Variants in ZCWPW2 observed in about 807,000 individuals in gnomAD.
ZCWPW2 encodes zinc finger CW-type and PWWP domain containing 2.
Under a neutral mutation model 46.6 loss-of-function variants are expected in ZCWPW2, and 45 were observed. That is an observed-to-expected ratio of 0.96 (90% CI 0.76 to 1.24). The LOEUF (loss-of-function observed/expected upper bound fraction) is 1.24, where lower values mean the gene tolerates loss of function less well. Ranked by LOEUF, ZCWPW2 falls within the 50% of genes most tolerant of loss-of-function variation. The probability of loss-of-function intolerance (pLI) is 0.00; values close to 1 mark genes in which losing one functional copy is unlikely to be tolerated. For missense variants in ZCWPW2, 429 were observed against 403.9 expected (o/e 1.06, Z -0.53); for synonymous variants, 152 against 137.1 (o/e 1.11, Z -0.76).
intron 6 of ZCWPW2, among the ~76,000 whole-genome samples, chr3:28,499,635 C>T (rs1352757359): frequency 2.0e-5 from 3 of 152,092 alleles, no homozygotes; most frequent in African/African-American, 7.2e-5. Flanking sequence ...TTTTGCTGTG[C>T]AGAAGCTCTT....
intron 1 of ZCWPW2, among the ~76,000 whole-genome samples, chr3:28,374,922 A>G (rs967827174): frequency 5.9e-5 from 9 of 151,990 alleles, no homozygotes; most frequent in Non-Finnish European, 5.9e-5. Flanking sequence ...GTGAGGTGTT[A>G]AAGTTCCTTA....
intron 1 of ZCWPW2, among the ~76,000 whole-genome samples, chr3:28,376,688 T>C (rs1230541623): frequency 6.6e-6 from 1 of 152,106 alleles, no homozygotes; most frequent in Non-Finnish European, 1.5e-5. Flanking sequence ...GCAGAAGGTA[T>C]TTGTTTTTAG....
intron 3 of ZCWPW2, among the ~76,000 whole-genome samples, chr3:28,417,180 G>A (rs1003491866): frequency 6.6e-6 from 1 of 151,680 alleles, no homozygotes; most frequent in African/African-American, 2.4e-5. Context: ...AGACAAAGGG[G>A]ATATCACCAC....
chr3:28,361,677 T>C (rs1434343541), intron 1 of ZCWPW2, among the ~76,000 whole-genome samples: 11 of 151,554 alleles, frequency 7.3e-5, no homozygotes, highest in Non-Finnish European at 8.8e-5. Context: ...ATTCATACAA[T>C]GTAATAGCAA....
At chr3:28,378,792 G>T (rs1023912723) in intron 1 of ZCWPW2, among the ~76,000 whole-genome samples, 1 of 152,052 alleles carries the variant, frequency 6.6e-6, no homozygotes, top group African/African-American at 2.4e-5. Context: ...TGTTCATTTA[G>T]ATGCTAGGGA....
At position 28,444,151 on chromosome 3, in the gene ZCWPW2, T is replaced by C. The variant is rs561998782; in HGVS notation, c.492+8882T>C. 2.6e-5 allele frequency among the ~76,000 whole-genome samples: 4 copies of C among 152,330 alleles called. No homozygotes were observed. In the East Asian group the frequency reaches 5.8e-4, roughly 22 times the overall value. The stretch of plus-strand genomic sequence containing the variant: ...TTCCTTCCGCCATTATCCCACACCC[T>C]TAATATTCATTATTATGCTTGTTCA... On this transcript the variant is annotated intron_variant, in intron 4 of 9. Coordinates refer to ENST00000383768, the MANE Select transcript of ZCWPW2 (RefSeq NM_001040432.4).
intron 4 of ZCWPW2, among the ~76,000 whole-genome samples, chr3:28,467,545 G>A (rs1698873488): frequency 1.3e-5 from 2 of 152,200 alleles, no homozygotes; most frequent in African/African-American, 4.8e-5. Flanking sequence ...GTGAGACCCA[G>A]TACTGTGCTG....
At chr3:28,449,674 A>G (rs1252468457) in intron 4 of ZCWPW2, among the ~76,000 whole-genome samples, 1 of 152,178 alleles carries the variant, frequency 6.6e-6, no homozygotes. Context: ...AAGATGGTAG[A>G]TTTTATGTGT....
At chr3:28,396,375 G>A (rs1256827587) in intron 2 of ZCWPW2, among the ~76,000 whole-genome samples, 1 of 152,060 alleles carries the variant, frequency 6.6e-6, no homozygotes. Context: ...CTGGAGGTAG[G>A]CAGGACACAA....
chr3:28,509,320 T>C (rs1178620449), intron 6 of ZCWPW2, among the ~76,000 whole-genome samples: 1 of 152,176 alleles, frequency 6.6e-6, no homozygotes. Context: ...GGAATATGCT[T>C]CTATTTTTCT....
intron 4 of ZCWPW2, among the ~76,000 whole-genome samples, chr3:28,450,472 AG>A (rs1436736032): frequency 6.6e-6 from 1 of 152,218 alleles, no homozygotes; most frequent in African/African-American, 2.4e-5. Context: ...ACCAGCTTGT[AG>A]GTGGCATAGA....
chr3:28,353,294 G>A (rs1704622469), intron 1 of ZCWPW2, among the ~76,000 whole-genome samples: 1 of 152,104 alleles, frequency 6.6e-6, no homozygotes, highest in Admixed American at 6.6e-5. Context: ...TAGAATTTAT[G>A]TTCTTGGAAA....
intron 5 of ZCWPW2, among the ~76,000 whole-genome samples, chr3:28,486,065 C>T (rs1699590739): frequency 6.6e-6 from 1 of 151,960 alleles, no homozygotes; most frequent in Non-Finnish European, 1.5e-5. Context: ...ATTTTCTTCC[C>T]TCTTAGCATA....
intron 2 of ZCWPW2, among the ~76,000 whole-genome samples, chr3:28,400,662 A>T (rs1695884936): frequency 6.6e-6 from 1 of 152,198 alleles, no homozygotes; most frequent in Non-Finnish European, 1.5e-5. Flanking sequence ...AAGAATTATC[A>T]GCCAAGAATT....
chr3:28,492,974 T>C (rs1226700653), intron 6 of ZCWPW2, among the ~76,000 whole-genome samples: 1 of 151,954 alleles, frequency 6.6e-6, no homozygotes, highest in Non-Finnish European at 1.5e-5. Context: ...TATCTATAGA[T>C]GATTAGGCAA....
intron 2 of ZCWPW2, among the ~76,000 whole-genome samples, chr3:28,398,429 C>T (rs772604645): frequency 6.6e-6 from 1 of 152,038 alleles, no homozygotes; most frequent in East Asian, 1.9e-4. Flanking sequence ...GGATGGTGGA[C>T]GGGAGGCAGG....
rs1314689029 is a variant in ZCWPW2, at chr3:28,525,240, C to T, written c.*552C>T. Reference sequence around the variant, plus strand: ...TTTCAACCATGGTACCCAAAACTGACTGCTTAATAGAGTCTCTGGGAGATT... The same window carrying T: ...TTTCAACCATGGTACCCAAAACTGATTGCTTAATAGAGTCTCTGGGAGATT... On this transcript the variant is annotated 3_prime_UTR_variant, in exon 10 of 10. Coordinates refer to ENST00000383768, the MANE Select transcript of ZCWPW2 (RefSeq NM_001040432.4). 1 of 152,274 alleles carries T rather than the reference C, an allele frequency of 6.6e-6. No individual in the cohort carries two copies. The highest frequency in any genetic ancestry group is 1.5e-5 in the Non-Finnish European group (1 of 68,156). 9.4% of individuals were successfully genotyped at this position (152,274 alleles called of 1,614,324 possible).
In ZCWPW2 at chr3:28,456,713, C is replaced by A. The variant is rs190376668; in HGVS notation, c.492+21444C>A. 4.6e-5 allele frequency among the ~76,000 whole-genome samples: 7 copies of A among 152,258 alleles called. No individual in the cohort carries two copies. The East Asian group carries it at 1.4e-3, about 29-fold the overall frequency. ...TGAATTTTATCAAAGGTCTTGTCTG[C>A]ATCTATTCAGATAATCATGTGTTTT... On this transcript the variant is annotated intron_variant, in intron 4 of 9. Coordinates refer to ENST00000383768, the MANE Select transcript of ZCWPW2 (RefSeq NM_001040432.4).
At chr3:28,495,469 C>T (rs1315131004) in intron 6 of ZCWPW2, among the ~76,000 whole-genome samples, 1 of 151,856 alleles carries the variant, frequency 6.6e-6, no homozygotes, top group Non-Finnish European at 1.5e-5. Context: ...TTATTTGTAC[C>T]AGTTGTTCTT....
Sources: gnomAD v4.1 joint callset for allele counts (sites outside exome capture counted in the v4.1 genomes callset) on GRCh38, gnomAD v4.1.1 for gene constraint, MANE v1.5 for transcripts, NCBI Gene and HGNC (gene_info 2026-07-23, HGNC 2026-07-21) for gene names.